Variants in DOCK9 observed in about 807,000 individuals in gnomAD.
The protein encoded by DOCK9 is dedicator of cytokinesis protein 9.
Under a neutral mutation model 263.3 loss-of-function variants are expected in DOCK9, and 89 were observed. The observed-to-expected ratio is 0.34, with a 90% CI of 0.28 to 0.40. DOCK9 has a LOEUF of 0.40. DOCK9 is among the 10% of genes least tolerant of loss of function. DOCK9 has a pLI of 1.00. For synonymous variants in DOCK9, 976 were observed against 973.1 expected, an observed-to-expected ratio of 1.00 and a Z score of -0.06; for missense variants, 2,140 against 2,603.4, an observed-to-expected ratio of 0.82 and a Z score of 3.87.
At chr13:98,901,686 T>C in intron 13 of DOCK9, 92 bp downstream of exon 13, 1 of 1,395,094 alleles carries the variant, frequency 7.2e-7, no homozygotes, top group Admixed American at 2.4e-5. Flanking sequence ...AAATATGGCT[T>C]ATGTTTGATT....
intron 27 of DOCK9, among the ~76,000 whole-genome samples, chr13:98,869,460 CA>C (rs1405225657): frequency 6.6e-6 from 1 of 152,348 alleles, no homozygotes; most frequent in East Asian, 1.9e-4. Context: ...TTTTCTGTTA[CA>C]TGAAGCTGCA....
At chr13:98,925,750 C>T (rs1420453221) in intron 4 of DOCK9, 87 bp downstream of exon 4, 2 of 862,066 alleles carry the variant, frequency 2.3e-6, no homozygotes, top group South Asian at 1.9e-5. Context: ...TCCTCAATTA[C>T]TCTGATTGCA....
At chr13:98,880,043 A>T in intron 26 of DOCK9, 74 bp from the exon 27 acceptor site, 1 of 1,165,478 alleles carries the variant, frequency 8.6e-7, no homozygotes, top group South Asian at 1.5e-5. Flanking sequence ...TCTCAGGCTG[A>T]CAATATTATT....
chr13:98,842,352 A>G (rs1296624279), intron 38 of DOCK9, among the ~76,000 whole-genome samples: 1 of 152,224 alleles, frequency 6.6e-6, no homozygotes, highest in East Asian at 1.9e-4. Context: ...GTTAGAAAAT[A>G]CTTTCTGATT....
intron 1 of DOCK9, among the ~76,000 whole-genome samples, chr13:99,027,715 A>G (rs1886915013): frequency 6.6e-6 from 1 of 152,254 alleles, no homozygotes; most frequent in African/African-American, 2.4e-5. Context: ...CTGGTCTATT[A>G]GAGTTCACTG....
At chr13:98,827,975 T>C (rs1359005241) in intron 43 of DOCK9, among the ~76,000 whole-genome samples, 1 of 152,194 alleles carries the variant, frequency 6.6e-6, no homozygotes, top group Non-Finnish European at 1.5e-5. Context: ...TTAGGTGTAA[T>C]TAGTTAAGAT....
chr13:98,829,828 G>T lies in DOCK9; in HGVS notation c.4636-72C>A. ...TGCCCAGGCTGGGCTTCTGCGTTCA[G>T]TTAGGATGTGCCTAAGGACCCAGCA... On this transcript the variant is annotated intron_variant, in intron 41 of 52. Transcript: ENST00000682017. This position sits in a 1 kb window ranked among gnomAD's most constrained non-coding sequence, Gnocchi z 4.1. 7.4e-7 allele frequency: 1 copy of T among 1,350,658 alleles called. No homozygotes were observed. Among genetic ancestry groups the T allele is most frequent in the Non-Finnish European group, 1.0e-6 (1 of 966,796 alleles). 83.7% of individuals were successfully genotyped at this position (1,350,658 alleles called of 1,614,324 possible).
At chr13:98,927,841 G>A (rs373194772) in intron 3 of DOCK9, among the ~76,000 whole-genome samples, 2 of 151,848 alleles carry the variant, frequency 1.3e-5, no homozygotes, top group African/African-American at 2.4e-5. Flanking sequence ...GGCTGGTCTC[G>A]AACTCCTGAC....
intron 1 of DOCK9, among the ~76,000 whole-genome samples, chr13:99,058,966 C>T (rs77189573): frequency 1.3e-5 from 2 of 152,174 alleles, no homozygotes; most frequent in Non-Finnish European, 2.9e-5. Context: ...AAACACACTT[C>T]CCTTGGCTTC....
chr13:99,016,612 C>T (rs1165334436), intron 1 of DOCK9, among the ~76,000 whole-genome samples: 2 of 152,202 alleles, frequency 1.3e-5, no homozygotes, highest in African/African-American at 2.4e-5. Flanking sequence ...AGTGACACTA[C>T]ACTACCTCAC....
intron 30 of DOCK9, 133 bp downstream of exon 30, chr13:98,867,292 C>A: frequency 1.6e-6 from 1 of 632,428 alleles, no homozygotes; most frequent in South Asian, 2.2e-5. Flanking sequence ...ATGGAAATTT[C>A]ATAAGAAAAA....
At chr13:98,832,303 G>A (rs1235701646) in intron 39 of DOCK9, among the ~76,000 whole-genome samples, 2 of 152,138 alleles carry the variant, frequency 1.3e-5, no homozygotes, top group Non-Finnish European at 2.9e-5. Flanking sequence ...CTTTGGTCAG[G>A]TACCACTTAT....
At chr13:99,047,225 T>G (rs886559756) in intron 1 of DOCK9, among the ~76,000 whole-genome samples, 1 of 152,208 alleles carries the variant, frequency 6.6e-6, no homozygotes, top group Admixed American at 6.5e-5. Flanking sequence ...TAGAAAATTT[T>G]AAAAGTACAT....
chr13:98,856,260 A>G (rs899530798), intron 33 of DOCK9: 5 of 419,178 alleles, frequency 1.2e-5, no homozygotes, highest in African/African-American at 9.9e-5. Context: ...ACTTGTTAGA[A>G]ACCACCTTTG....
In DOCK9 at chr13:98,902,668, A is replaced by G. The variant is rs559106634; in HGVS notation, c.1177-177T>C. On this transcript the variant is annotated intron_variant, in intron 11 of 52. Coordinates refer to ENST00000682017, the MANE Select transcript of DOCK9 (RefSeq NM_001366683.2). ...TATAAAACATTTTAGGAAACAAACA[A>G]AACAATTATTTTACCTTTATGTGTT... Among the ~76,000 whole-genome samples, 32 of 152,330 alleles carry G rather than the reference A, an allele frequency of 2.1e-4. 1 individual carries two copies. The South Asian group carries it at 6.4e-3, about 31-fold the overall frequency.
intron 10 of DOCK9, among the ~76,000 whole-genome samples, chr13:98,903,399 C>G (rs2048594827): frequency 6.6e-6 from 1 of 152,008 alleles, no homozygotes; most frequent in Admixed American, 6.6e-5. Context: ...CGAGACCATC[C>G]TGGCTAACCC....
intron 2 of DOCK9, among the ~76,000 whole-genome samples, chr13:98,949,396 A>G (rs1250423933): frequency 2.0e-5 from 3 of 152,216 alleles, no homozygotes. Flanking sequence ...AGCCTTGTAC[A>G]TAGCTTGAGT....
At chr13:98,839,051 G>A (rs941440386) in intron 38 of DOCK9, among the ~76,000 whole-genome samples, 1 of 152,184 alleles carries the variant, frequency 6.6e-6, no homozygotes, top group Non-Finnish European at 1.5e-5. Flanking sequence ...CTACAGAAGA[G>A]CTTTAAAAGC....
intron 38 of DOCK9, 67 bp from the exon 39 acceptor site, chr13:98,837,676 G>A: frequency 9.5e-7 from 1 of 1,048,452 alleles, no homozygotes; most frequent in Admixed American, 2.3e-5. Context: ...GGATGCGGTA[G>A]GCACAGTCAA....
Sources: gnomAD v4.1 joint callset for allele counts (sites outside exome capture counted in the v4.1 genomes callset) on GRCh38, gnomAD v4.1.1 for gene constraint, Gnocchi (gnomAD v3.1) non-coding constraint, MANE v1.5 for transcripts, NCBI Gene and HGNC (gene_info 2026-07-23, HGNC 2026-07-21) for gene names.